The following PREX1 variants were observed in gnomAD, a reference collection of about 807,000 sequenced individuals.
The protein encoded by PREX1 is phosphatidylinositol 3,4,5-trisphosphate-dependent Rac exchanger 1 protein.
PREX1 carries 41 observed loss-of-function variants against 198.3 expected under a neutral mutation model. The ratio of observed to expected loss-of-function variants is 0.21; its 90% CI spans 0.16 to 0.27. PREX1 has a LOEUF of 0.27. PREX1 is among the 10% of genes least tolerant of loss of function. PREX1 has a pLI of 1.00. For synonymous variants in PREX1, 843 were observed against 887.2 expected (o/e 0.95, Z 0.89); for missense variants, 1,620 against 2,200.7 (o/e 0.74, Z 5.28).
At chr20:48,626,582 T>C (rs956748427) in intron 39 of PREX1, among the ~76,000 whole-genome samples, 5 of 152,154 alleles carry the variant, frequency 3.3e-5, no homozygotes, top group Non-Finnish European at 7.4e-5. Context: ...AATTGGACAG[T>C]GCGTGGCACA....
chr20:48,762,480 G>T (rs2090185743), intron 1 of PREX1, among the ~76,000 whole-genome samples: 1 of 152,128 alleles, frequency 6.6e-6, no homozygotes, highest in African/African-American at 2.4e-5. Context: ...TCCAGACATT[G>T]CCCATGTCCC....
intron 1 of PREX1, among the ~76,000 whole-genome samples, chr20:48,778,538 C>T (rs1292552548): frequency 3.3e-5 from 5 of 151,840 alleles, no homozygotes; most frequent in African/African-American, 9.7e-5. Context: ...TGCAGTGAGC[C>T]AAGATGGTGC....
intron 14 of PREX1, among the ~76,000 whole-genome samples, chr20:48,670,851 G>A (rs1022451482): frequency 6.6e-6 from 1 of 152,162 alleles, no homozygotes; most frequent in Non-Finnish European, 1.5e-5. Context: ...AGAGGATCCT[G>A]GTGGCTGTGT....
intron 1 of PREX1, among the ~76,000 whole-genome samples, chr20:48,766,268 ACCCGTC>A (rs1323166061): frequency 6.6e-6 from 1 of 152,162 alleles, no homozygotes; most frequent in Non-Finnish European, 1.5e-5. Flanking sequence ...CTTCCAGGAA[ACCCGTC>A]CCTGGTGCCA....
chr20:48,842,542 G>T, the PREX1 span, among the ~76,000 whole-genome samples: 2 of 151,486 alleles, frequency 1.3e-5, no homozygotes. Context: ...CTCCAGCGTG[G>T]TGCAGTGAAC....
At position 48,681,245 on chromosome 20, in the gene PREX1, G is replaced by A. The variant is rs2089747990; in HGVS notation, c.1425C>T (p.Ile475=). ...NLGQALLENG[I]IHHVSDKHQF... is the part of the protein sequence containing the mutation. ...CAGCCCTCCACTCACCATGGTGGAT[G>A]ATGCCATTCTCCAACAGGGCTTGGC... Residue 475 remains isoleucine, a synonymous_variant, in exon 11 of 40, where the codon ATC becomes ATT. Coordinates refer to ENST00000371941, the MANE Select transcript of PREX1 (RefSeq NM_020820.4). 2 of 1,613,896 alleles carry A rather than the reference G, an allele frequency of 1.2e-6. No individual in the cohort carries two copies. Among genetic ancestry groups the A allele is most frequent in the Non-Finnish European group, 8.5e-7 (1 of 1,179,984 alleles).
intron 6 of PREX1, 142 bp from the exon 7 acceptor site, chr20:48,701,028 A>C: frequency 1.2e-5 from 14 of 1,129,116 alleles, no homozygotes; most frequent in African/African-American, 4.6e-5. Context: ...AATCAACACA[A>C]CGTGATTAGT....
the PREX1 span, among the ~76,000 whole-genome samples, chr20:48,882,889 G>A: frequency 6.7e-6 from 1 of 149,118 alleles, no homozygotes; most frequent in African/African-American, 2.5e-5. Context: ...CTTTAAAGGA[G>A]TGTCTATTCA....
rs2089817917 is a variant in PREX1 at position 48,691,247 on chromosome 20, T to G, written c.1037-151A>C. The G allele has an allele frequency of 1.0e-6, 1 of 966,022 alleles. No individual in the cohort carries two copies. The highest frequency in any genetic ancestry group is 1.6e-5 in the African/African-American group (1 of 61,230). The allele number at this position is 966,022 out of a possible 1,614,324, so 59.8% of individuals were successfully genotyped here. On this transcript the variant is annotated intron_variant, in intron 8 of 39. Coordinates refer to ENST00000371941, the MANE Select transcript of PREX1 (RefSeq NM_020820.4). The surrounding 1 kb of genome is among the most constrained non-coding windows in gnomAD (Gnocchi z 5.0). ...ACTTCCAGCCCTTCAAACGCTCACT[T>G]CTTATCCTTTTCCAGTGGGCAAGGA...
At position 48,688,762 on chromosome 20, in the gene PREX1, G is replaced by A. The variant is rs776554572; in HGVS notation, c.1229C>T (p.Ala410Val). The A allele has an allele frequency of 8.1e-6, 13 of 1,614,090 alleles. No homozygotes were observed. The highest frequency in any genetic ancestry group is 3.3e-5 in the Admixed American group (2 of 60,022). The change falls in exon 10 of 40, where the codon GCG becomes GTG. Residue 410 changes from alanine to valine, a missense_variant. Ala to Val is a moderately conservative substitution (Grantham distance 64). Around this residue, in one of 7 missense-constraint regions of PREX1, gnomAD observed 488 missense variants for 802.5 expected, o/e 0.61. Transcript: ENST00000371941. ...GTGGTACAGCTTCTCCCCCTTCTCCGCAATCATGACGTAGGCATCACGCTC... is the reference window on the plus strand; with the variant it reads ...GTGGTACAGCTTCTCCCCCTTCTCCACAATCATGACGTAGGCATCACGCTC... The part of the protein sequence containing the change: ...GMERDAYVMI[A>V]EKGEKLYHMM...
intron 7 of PREX1, among the ~76,000 whole-genome samples, chr20:48,696,907 T>C (rs540984602): frequency 6.6e-6 from 1 of 151,828 alleles, no homozygotes; most frequent in South Asian, 2.1e-4. Context: ...TGTCTTCAGC[T>C]TGCAGACGAC....
At chr20:48,644,519 G>A in intron 26 of PREX1, 22 bp from the exon 27 acceptor site, 1 of 1,607,060 alleles carries the variant, frequency 6.2e-7, no homozygotes, top group Admixed American at 1.7e-5. Flanking sequence ...CCCAGAGAAG[G>A]GGCTGAGTCA....
At chr20:48,816,151 T>G (rs374024152) in intron 1 of PREX1, among the ~76,000 whole-genome samples, 2 of 151,822 alleles carry the variant, frequency 1.3e-5, no homozygotes, top group African/African-American at 4.8e-5. Flanking sequence ...TCGCTCAGAA[T>G]GAGCCAGAAT....
chr20:48,654,612 T>C (rs766258707), intron 19 of PREX1, among the ~76,000 whole-genome samples: 3 of 152,256 alleles, frequency 2.0e-5, no homozygotes, highest in African/African-American at 4.8e-5. Flanking sequence ...TAGGACAAAA[T>C]GAAAACCTAC....
intron 1 of PREX1, among the ~76,000 whole-genome samples, chr20:48,794,093 C>A (rs779367612): frequency 3.9e-5 from 6 of 152,120 alleles, no homozygotes; most frequent in Non-Finnish European, 8.8e-5. Context: ...GTGGGAGGAC[C>A]CCCTTATGAA....
intron 1 of PREX1, among the ~76,000 whole-genome samples, chr20:48,777,000 G>A (rs1294040860): frequency 3.3e-5 from 5 of 152,100 alleles, no homozygotes; most frequent in African/African-American, 1.2e-4. Flanking sequence ...GGTCCGAGGG[G>A]TTTCTCCCGC....
intron 6 of PREX1, 80 bp from the exon 7 acceptor site, chr20:48,700,966 A>C (rs1601085261): frequency 3.9e-5 from 61 of 1,574,536 alleles, no homozygotes; most frequent in Admixed American, 1.4e-4. Context: ...ACCTACTACC[A>C]CCTCCTGCCA....
chr20:48,719,217 T>C (rs2089974981), intron 5 of PREX1, among the ~76,000 whole-genome samples: 2 of 152,140 alleles, frequency 1.3e-5, no homozygotes, highest in South Asian at 2.1e-4. Flanking sequence ...AGAATCCAGG[T>C]TGGACCCCAC....
intron 7 of PREX1, among the ~76,000 whole-genome samples, chr20:48,694,117 G>A (rs981233198): frequency 6.6e-6 from 1 of 151,542 alleles, no homozygotes; most frequent in Admixed American, 6.6e-5. Flanking sequence ...TCACCATGTT[G>A]GCCAGGCTGG....
Sources: allele counts gnomAD v4.1 joint callset (sites outside exome capture counted in the v4.1 genomes callset), GRCh38; gene constraint gnomAD v4.1.1; regional missense constraint gnomAD v4.1.1; non-coding constraint Gnocchi (gnomAD v3.1); transcripts MANE v1.5; gene names NCBI Gene and HGNC (gene_info 2026-07-23, HGNC 2026-07-21).